PCDHGA2: variants seen among roughly 807,000 people sequenced by gnomAD.
PCDHGA2 encodes protocadherin gamma subfamily A, 2.
PCDHGA2 carries 40 observed loss-of-function variants against 59.2 expected under a neutral mutation model. That is an observed-to-expected ratio of 0.68 (90% CI 0.52 to 0.88). The LOEUF is 0.88. PCDHGA2 is among the 40% of genes least tolerant of loss of function. The probability of loss-of-function intolerance (pLI) is 0.00; values close to 1 mark genes in which losing one functional copy is unlikely to be tolerated. For synonymous variants in PCDHGA2, 560 were observed against 526.0 expected (o/e 1.06, Z -0.89); for missense variants, 1,226 against 1,204.0 (o/e 1.02, Z -0.27).
chr5:141,347,052 CTCCT>C (rs751921344), intron 1 of PCDHGA2, among the ~76,000 whole-genome samples: 5,595 of 140,234 alleles, frequency 0.04, 232 homozygotes, highest in African/African-American at 0.09. Flanking sequence ...TCTCTCTTTC[CTCCT>C]TCCTTCCTTC....
intron 1 of PCDHGA2, chr5:141,399,180 G>T (rs1454578078): frequency 3.7e-6 from 6 of 1,613,798 alleles, no homozygotes; most frequent in Admixed American, 1.7e-5. Flanking sequence ...TACTTGAAAT[G>T]ATTCTGGAAA....
At chr5:141,414,421 A>G (rs1250470349) in intron 1 of PCDHGA2, 1 of 1,613,776 alleles carries the variant, frequency 6.2e-7, no homozygotes, top group African/African-American at 1.3e-5. Flanking sequence ...AGCCCTTGAC[A>G]GGGAACAGGT....
chr5:141,483,833 G>A (rs964111814), intron 1 of PCDHGA2, among the ~76,000 whole-genome samples: 1 of 152,116 alleles, frequency 6.6e-6, no homozygotes, highest in Admixed American at 6.5e-5. Flanking sequence ...CCTAGGTAAG[G>A]ACTTGGTTGA....
intron 1 of PCDHGA2, chr5:141,419,506 C>A (rs527369615): frequency 6.2e-6 from 10 of 1,612,352 alleles, no homozygotes; most frequent in Middle Eastern, 1.7e-4. Context: ...TGAGCCTGCG[C>A]GTGTTGGTGG....
Position 141,345,329 on chromosome 5 carries a change from G to C in PCDHGA2, c.2424+3934G>C, listed in dbSNP as rs7730183. On this transcript the variant is annotated intron_variant, in intron 1 of 3. Coordinates refer to ENST00000394576, the MANE Select transcript of PCDHGA2 (RefSeq NM_018915.4). ...CCTCAGATGGGGGAAGCCCGCCACTGTCCACAGAAACTCACATCACCCTGC... is the reference window on the plus strand; with the variant it reads ...CCTCAGATGGGGGAAGCCCGCCACTCTCCACAGAAACTCACATCACCCTGC... 2,674 of 1,613,988 alleles carry C rather than the reference G, an allele frequency of 1.7e-3. 41 individuals carry two copies. In the African/African-American group the frequency reaches 0.032, roughly 19 times the overall value.
rs139043857 is a variant in PCDHGA2, at chr5:141,339,791, T to C, written c.820T>C (p.Tyr274His). ...VTATDADEGY[Y>H]AQVVYFLEKS... ...CGCCACTGACGCAGATGAGGGCTAC[T>C]ACGCTCAAGTGGTATATTTTCTAGA... The change falls in exon 1 of 4, where the codon TAC (tyrosine) becomes CAC (histidine). Residue 274 changes from tyrosine (Y) to histidine (H), a missense_variant. By Grantham distance (83) the Tyr-to-His change is moderately conservative. Coordinates refer to ENST00000394576, the MANE Select transcript of PCDHGA2 (RefSeq NM_018915.4). 94 of 1,614,206 alleles carry C rather than the reference T, an allele frequency of 5.8e-5. No homozygotes were observed. In the East Asian group the frequency reaches 2.0e-3, roughly 35 times the overall value.
intron 1 of PCDHGA2, chr5:141,352,382 G>T (rs749766771): frequency 8.7e-6 from 14 of 1,614,026 alleles, no homozygotes; most frequent in Non-Finnish European, 1.1e-5. Flanking sequence ...TCTAGCGATC[G>T]CCCTGCGCCT....
Position 141,432,151 on chromosome 5 carries a change from C to T in PCDHGA2, c.2425-62656C>T. 2 of 1,614,122 alleles carry T rather than the reference C, an allele frequency of 1.2e-6. No homozygotes were observed. The highest frequency in any genetic ancestry group is 2.2e-5 in the South Asian group (2 of 91,066). ...CCTATTCCGCTTATATCCCAGAGAA[C>T]AATCCCAGAGGAGTTTCCCTCGTCT... On this transcript the variant is annotated intron_variant, in intron 1 of 3. Transcript: ENST00000394576. The surrounding 1 kb of genome is among the most constrained non-coding windows in gnomAD (Gnocchi z 6.0).
intron 1 of PCDHGA2, among the ~76,000 whole-genome samples, chr5:141,465,140 G>A (rs1019369475): frequency 5.3e-5 from 8 of 151,554 alleles, no homozygotes; most frequent in Non-Finnish European, 7.4e-5. Context: ...AAGTTTAGGG[G>A]ATATATGAAG....
chr5:141,351,258 T>C, intron 1 of PCDHGA2: 1 of 1,613,936 alleles, frequency 6.2e-7, no homozygotes, highest in Non-Finnish European at 8.5e-7. Flanking sequence ...CAAATAGAAA[T>C]TGTTGACGAG....
chr5:141,421,902 C>A (rs1218675162), intron 1 of PCDHGA2: 1 of 1,613,706 alleles, frequency 6.2e-7, no homozygotes, highest in East Asian at 2.2e-5. Context: ...TCCGAAAGGG[C>A]GCAGTTCCCA....
chr5:141,505,592 A>T, intron 3 of PCDHGA2, 111 bp downstream of exon 3: 2 of 1,567,266 alleles, frequency 1.3e-6, no homozygotes, highest in Admixed American at 3.6e-5. Flanking sequence ...GTTTCTCCAG[A>T]TCTTTCGGCA....
intron 1 of PCDHGA2, among the ~76,000 whole-genome samples, chr5:141,462,798 C>A (rs1458659959): frequency 6.6e-6 from 1 of 152,072 alleles, no homozygotes; most frequent in Non-Finnish European, 1.5e-5. Flanking sequence ...ATTTGCATGT[C>A]TAATAATGTT....
chr5:141,346,550 A>G (rs1002998813), intron 1 of PCDHGA2: 13 of 1,524,464 alleles, frequency 8.5e-6, no homozygotes, highest in Middle Eastern at 1.7e-4. Flanking sequence ...AAATAAAGCC[A>G]TGAGGTTGTC....
At chr5:141,366,096 C>T (rs763995838) in intron 1 of PCDHGA2, 4 of 1,614,226 alleles carry the variant, frequency 2.5e-6, no homozygotes, top group Non-Finnish European at 3.4e-6. Context: ...TACCTGGTGA[C>T]CAAGGTGGTA....
Position 141,432,403 on chromosome 5 carries a change from G to A in PCDHGA2, c.2425-62404G>A, listed in dbSNP as rs1279890312. The A allele has an allele frequency of 6.2e-7, 1 of 1,614,242 alleles. No homozygotes were observed. The highest frequency in any genetic ancestry group is 8.5e-7 in the Non-Finnish European group (1 of 1,180,052). On this transcript the variant is annotated intron_variant, in intron 1 of 3. Coordinates refer to ENST00000394576, the MANE Select transcript of PCDHGA2 (RefSeq NM_018915.4). The surrounding 1 kb of genome is among the most constrained non-coding windows in gnomAD (Gnocchi z 6.0). ...CGCCCCTCAGCAGCAACGTGTCGTT[G>A]AGCCTGTTCGTGCTGGACCAGAACG...
chr5:141,510,995 G>T lies in PCDHGA2; in HGVS notation c.2621G>T (p.Gly874Val). ...STLGGGAGTM[G>V]LSARYGPQFT... is the part of the protein sequence containing the mutation. ...CTGGGAGGGGGTGCCGGCACCATGG[G>T]ATTGAGCGCCCGCTACGGACCCCAG... is the stretch of plus-strand genomic sequence containing the variant. Residue 874 changes from glycine to valine, a missense_variant, in exon 4 of 4, where the codon GGA becomes GTA. Physicochemically the swap from Gly to Val is moderately radical, Grantham distance 109. Coordinates refer to ENST00000394576, the MANE Select transcript of PCDHGA2 (RefSeq NM_018915.4). The T allele has an allele frequency of 6.2e-7, 1 of 1,614,172 alleles. No individual in the cohort carries two copies. Among genetic ancestry groups the T allele is most frequent in the Non-Finnish European group, 8.5e-7 (1 of 1,180,018 alleles).
At chr5:141,341,440 G>A in intron 1 of PCDHGA2, 45 bp downstream of exon 1, 1 of 1,610,764 alleles carries the variant, frequency 6.2e-7, no homozygotes, top group East Asian at 2.2e-5. Flanking sequence ...GTTTGCTGAA[G>A]TAATTCACTT....
Position 141,376,056 on chromosome 5 carries a change from T to C in PCDHGA2, c.2424+34661T>C, listed in dbSNP as rs768295127. 1.1e-5 allele frequency: 18 copies of C among 1,613,354 alleles called. No individual in the cohort carries two copies. In the South Asian group the frequency reaches 1.9e-4, roughly 17 times the overall value. ...GGCCAGCCCCCTCTCTCCGCCACTG[T>C]CACGCTCACCGTGGCCGTGGCCGAC... On this transcript the variant is annotated intron_variant, in intron 1 of 3. Coordinates refer to ENST00000394576, the MANE Select transcript of PCDHGA2 (RefSeq NM_018915.4).
Sources: allele counts gnomAD v4.1 joint callset (sites outside exome capture counted in the v4.1 genomes callset), GRCh38; gene constraint gnomAD v4.1.1; non-coding constraint Gnocchi (gnomAD v3.1); transcripts MANE v1.5; gene names NCBI Gene and HGNC (gene_info 2026-07-23, HGNC 2026-07-21).